The following TANC2 variants were observed in gnomAD, a reference collection of about 807,000 sequenced individuals.
TANC2 encodes the protein tetratricopeptide repeat, ankyrin repeat and coiled-coil containing 2.
TANC2 carries 26 observed loss-of-function variants against 210.5 expected under a neutral mutation model. The observed-to-expected ratio is 0.12, with a 90% confidence interval of 0.09 to 0.17. The LOEUF is 0.17. TANC2 is among the 10% of genes least tolerant of loss of function. The pLI is 1.00. For missense variants in TANC2, 2,129 were observed against 2,608.9 expected, an observed-to-expected ratio of 0.82 and a Z score of 4.01; for synonymous variants, 931 against 967.1, an observed-to-expected ratio of 0.96 and a Z score of 0.69.
At chr17:63,187,792 A>G (rs1279019378) in intron 5 of TANC2, among the ~76,000 whole-genome samples, 2 of 152,244 alleles carry the variant, frequency 1.3e-5, no homozygotes, top group South Asian at 2.1e-4. Context: ...CAGTGGAGAA[A>G]CAAAGATGAC....
intron 7 of TANC2, among the ~76,000 whole-genome samples, chr17:63,218,332 G>A (rs1317694811): frequency 6.6e-6 from 1 of 152,018 alleles, no homozygotes; most frequent in Non-Finnish European, 1.5e-5. Context: ...TTTTAAATTT[G>A]ATAAAGGGTA....
At chr17:62,993,425 A>G (rs573790749) in intron 1 of TANC2, among the ~76,000 whole-genome samples, 51 of 152,334 alleles carry the variant, frequency 3.3e-4, no homozygotes, top group African/African-American at 1.2e-3. Context: ...GACTATTGCC[A>G]TCTTACCATT....
chr17:63,245,582 C>T (rs1369958665), intron 8 of TANC2, among the ~76,000 whole-genome samples: 1 of 151,994 alleles, frequency 6.6e-6, no homozygotes, highest in Non-Finnish European at 1.5e-5. Context: ...GTGGCTGACA[C>T]CTGTAATCCC....
In TANC2 at chr17:62,988,417, C is replaced by T. The variant is rs190239995; in HGVS notation, c.-23-21120C>T. Among the ~76,000 whole-genome samples the T allele has an allele frequency of 3.8e-3, 581 of 151,342 alleles. 4 individuals are homozygous for T. The highest frequency in any genetic ancestry group is 5.7e-3 in the Admixed American group (87 of 15,138). ...CTTCCCGAAGTGCTGGGATTACAGG[C>T]GTGAGCCACTGTGCCTGGCCAAGAT... On this transcript the variant is annotated intron_variant, in intron 1 of 27. Coordinates refer to ENST00000689528, the Ensembl canonical transcript of TANC2.
chr17:63,357,883 T>G (rs770411061), intron 14 of TANC2, among the ~76,000 whole-genome samples: 25 of 152,236 alleles, frequency 1.6e-4, no homozygotes, highest in Non-Finnish European at 2.4e-4. Context: ...GTTCTCCACT[T>G]TCTCTCCTTC....
At chr17:63,164,452 A>G (rs549513477) in intron 5 of TANC2, among the ~76,000 whole-genome samples, 3 of 152,332 alleles carry the variant, frequency 2.0e-5, no homozygotes, top group East Asian at 3.9e-4. Context: ...TGAAGCTATA[A>G]CTGCAGTAAT....
chr17:63,402,699 A>G (rs555167903), intron 19 of TANC2, among the ~76,000 whole-genome samples: 1 of 152,354 alleles, frequency 6.6e-6, no homozygotes, highest in East Asian at 1.9e-4. Context: ...CATTTCTGTC[A>G]GATCATCTCG....
At chr17:63,084,587 T>C (rs937147939) in intron 3 of TANC2, among the ~76,000 whole-genome samples, 1 of 152,052 alleles carries the variant, frequency 6.6e-6, no homozygotes, top group African/African-American at 2.4e-5. Context: ...AGATAGATGC[T>C]TAGATTATTG....
chr17:63,296,489 C>T (rs2044540440), intron 9 of TANC2, among the ~76,000 whole-genome samples: 1 of 152,132 alleles, frequency 6.6e-6, no homozygotes, highest in Non-Finnish European at 1.5e-5. Flanking sequence ...TCAGAAGGCA[C>T]AGTTTTTGAT....
chr17:63,377,178 G>T (rs962255474), intron 14 of TANC2, among the ~76,000 whole-genome samples: 12 of 152,278 alleles, frequency 7.9e-5, no homozygotes, highest in African/African-American at 2.9e-4. Context: ...GTGATGGGAG[G>T]GGCTGCCATG....
chr17:63,367,027 CT>C (rs997776773), intron 14 of TANC2, among the ~76,000 whole-genome samples: 2 of 152,198 alleles, frequency 1.3e-5, no homozygotes, highest in African/African-American at 2.4e-5. Flanking sequence ...ATTCTTAATA[CT>C]TGAGTCATAT....
chr17:63,110,478 T>C (rs957939027), intron 4 of TANC2, among the ~76,000 whole-genome samples: 8 of 151,686 alleles, frequency 5.3e-5, no homozygotes, highest in Non-Finnish European at 1.2e-4. Context: ...AGAAATCTAT[T>C]TTCTCACAGT....
intron 6 of TANC2, among the ~76,000 whole-genome samples, chr17:63,198,632 C>G (rs1215883510): frequency 6.6e-6 from 1 of 152,108 alleles, no homozygotes; most frequent in Non-Finnish European, 1.5e-5. Flanking sequence ...CTGAAGGATT[C>G]CAATTCCAAT....
At chr17:63,328,319 CTAAAA>C (rs1024273062) in intron 11 of TANC2, among the ~76,000 whole-genome samples, 1 of 150,724 alleles carries the variant, frequency 6.6e-6, no homozygotes. Flanking sequence ...CTTTCTGAAC[CTAAAA>C]TAAAAGTTGG....
intron 3 of TANC2, among the ~76,000 whole-genome samples, chr17:63,096,643 C>T (rs2037397357): frequency 1.3e-5 from 2 of 152,226 alleles, no homozygotes; most frequent in South Asian, 2.1e-4. Flanking sequence ...TTTATCCGTT[C>T]ACCAGTTAAT....
chr17:63,004,874 A>G, intron 1 of TANC2: 1 of 317,556 alleles, frequency 3.1e-6, no homozygotes, highest in South Asian at 2.8e-5. Context: ...GGTTTAGCAG[A>G]CAACCTTGTG....
At chr17:63,043,565 C>T (rs1354779734) in intron 2 of TANC2, among the ~76,000 whole-genome samples, 1 of 152,072 alleles carries the variant, frequency 6.6e-6, no homozygotes, top group Non-Finnish European at 1.5e-5. Context: ...GGGACTTGTA[C>T]TCATGTACTT....
chr17:63,325,278 C>T (rs1204490696), intron 11 of TANC2, among the ~76,000 whole-genome samples: 1 of 152,152 alleles, frequency 6.6e-6, no homozygotes, highest in East Asian at 1.9e-4. Context: ...TCCACCATTC[C>T]CCACTCACTT....
chr17:63,048,392 C>A (rs2035458571), intron 2 of TANC2, among the ~76,000 whole-genome samples: 2 of 152,186 alleles, frequency 1.3e-5, no homozygotes, highest in African/African-American at 2.4e-5. Flanking sequence ...TGTTTCCCTC[C>A]ATCTAGCTCT....
Sources: gnomAD v4.1 joint callset for allele counts (sites outside exome capture counted in the v4.1 genomes callset) on GRCh38, gnomAD v4.1.1 for gene constraint, MANE v1.5 for transcripts, NCBI Gene and HGNC (gene_info 2026-07-23, HGNC 2026-07-21) for gene names.